Variants in ANGEL2 observed in about 807,000 individuals in gnomAD.
The protein encoded by ANGEL2 is angel homolog 2.
ANGEL2 carries 41 observed loss-of-function variants against 66.0 expected under a neutral mutation model. The observed-to-expected ratio is 0.62, with a 90% CI of 0.48 to 0.81. The LOEUF is 0.81. ANGEL2 is among the 30% of genes least tolerant of loss of function. The pLI is 0.00. For synonymous variants in ANGEL2, 208 were observed against 226.5 expected (o/e 0.92, Z 0.73); for missense variants, 561 against 641.6 (o/e 0.87, Z 1.36).
intron 5 of ANGEL2, 162 bp from the exon 6 acceptor site, chr1:213,001,074 T>C: frequency 1.6e-6 from 1 of 635,050 alleles, no homozygotes; most frequent in Non-Finnish European, 2.5e-6. Context: ...TTCTTTTCTT[T>C]AAATACAATT....
chr1:213,015,517 C>A, intron 1 of ANGEL2, 96 bp downstream of exon 1: 1 of 1,346,704 alleles, frequency 7.4e-7, no homozygotes, highest in Non-Finnish European at 9.7e-7. Context: ...CACCCCTAGC[C>A]CGCCCCGCCC....
chr1:213,000,871 T>A lies in ANGEL2; in HGVS notation c.1176A>T (p.Leu392Phe). The A allele has an allele frequency of 6.2e-7, 1 of 1,612,880 alleles. No individual in the cohort carries two copies. Among genetic ancestry groups the A allele is most frequent in the Non-Finnish European group, 8.5e-7 (1 of 1,179,838 alleles). ...QEQSSRGQRI[L>F]SIPIWPPNLG... Reference sequence around the variant, plus strand: ...GGTTTGGGGGCCAAATTGGAATAGATAAAATTCTTTGTCCCCGTGAAGACT... The same window carrying A: ...GGTTTGGGGGCCAAATTGGAATAGAAAAAATTCTTTGTCCCCGTGAAGACT... Residue 392 changes from leucine to phenylalanine, a missense_variant, in exon 6 of 9, where the codon TTA becomes TTT. Physicochemically the swap from Leu to Phe is conservative, Grantham distance 22. Transcript: ENST00000366962.
chr1:213,009,304 C>T (rs2076433189), intron 2 of ANGEL2, among the ~76,000 whole-genome samples: 2 of 152,194 alleles, frequency 1.3e-5, no homozygotes, highest in South Asian at 4.1e-4. Context: ...TTGATCTTGT[C>T]TCCTACATCC....
In ANGEL2 at chr1:213,005,125, T is replaced by C; in HGVS notation, c.1042A>G (p.Met348Val). ...GGAACAGAATTAAAGTCACCACACATAACAATAGGGCAGAAGCTGCCATCT... is the reference window on the plus strand; with the variant it reads ...GGAACAGAATTAAAGTCACCACACACAACAATAGGGCAGAAGCTGCCATCT... ...QKDGSFCPIV[M>V]CGDFNSVPGS... The change falls in exon 5 of 9, where the codon ATG becomes GTG. Residue 348 changes from methionine (M) to valine (V), a missense_variant. By Grantham distance (21) the Met-to-Val change is conservative. Transcript: ENST00000366962. The C allele has an allele frequency of 1.2e-6, 2 of 1,614,102 alleles. No individual in the cohort carries two copies. Among genetic ancestry groups the C allele is most frequent in the South Asian group, 1.1e-5 (1 of 91,078 alleles).
intron 8 of ANGEL2, 129 bp downstream of exon 8, chr1:212,997,026 A>G: frequency 2.6e-6 from 2 of 770,404 alleles, no homozygotes; most frequent in Non-Finnish European, 4.1e-6. Flanking sequence ...CAATCTGTCT[A>G]TTTCGAAATA....
intron 5 of ANGEL2, among the ~76,000 whole-genome samples, chr1:213,004,097 C>T (rs964357212): frequency 6.6e-6 from 1 of 151,596 alleles, no homozygotes; most frequent in Non-Finnish European, 1.5e-5. Context: ...CCCAGCTACT[C>T]GGGAGGCTGA....
rs2076407264 is a variant in ANGEL2, at chr1:213,008,460, A to G, written c.392T>C (p.Ile131Thr). The G allele has an allele frequency of 6.2e-7, 1 of 1,612,442 alleles. No homozygotes were observed. Among genetic ancestry groups the G allele is most frequent in the East Asian group, 2.2e-5 (1 of 44,852 alleles). ...ACATATATATTCCCAATTCCGCTTT[A>G]TCACACCTGTTAAAATATATTGCAC... ...SSKRRKHQGVIKRNWEYICSH... is the reference protein window; with the variant it reads ...SSKRRKHQGVTKRNWEYICSH... The change falls in exon 3 of 9, where the codon ATA becomes ACA. Residue 131 changes from isoleucine to threonine, a missense_variant. By Grantham distance (89) the Ile-to-Thr change is moderately conservative. Transcript: ENST00000366962.
Position 212,995,211 on chromosome 1 carries a change from C to T in ANGEL2, c.1484-19G>A, listed in dbSNP as rs566221250. On this transcript the variant is annotated intron_variant, in intron 8 of 8. Coordinates refer to ENST00000366962, the MANE Select transcript of ANGEL2 (RefSeq NM_144567.5). ...TCAGCTCCTACATTAAAGAAGCACA[C>T]ACATATTTAGTAAAATTGTCAACGG... The T allele has an allele frequency of 1.3e-6, 2 of 1,577,698 alleles. No homozygotes were observed. The highest frequency in any genetic ancestry group is 2.4e-5 in the South Asian group (2 of 84,976).
chr1:213,015,446 G>T, intron 1 of ANGEL2, 167 bp downstream of exon 1: 1 of 1,431,322 alleles, frequency 7.0e-7, no homozygotes, highest in South Asian at 1.5e-5. Flanking sequence ...TACCTATCCC[G>T]CTTGGTCTCT....
chr1:213,007,199 C>A lies in ANGEL2; in HGVS notation c.643-1G>T. ...CTTGAACTTCTTGCAAACAAAGTAC[C>A]TTGGAAGAAAAAAATAGCTTGAATT... On this transcript the variant is annotated splice_acceptor_variant, in intron 3 of 8. Coordinates refer to ENST00000366962, the MANE Select transcript of ANGEL2 (RefSeq NM_144567.5). LOFTEE classifies it high-confidence loss of function. 6.4e-7 allele frequency: 1 copy of A among 1,553,438 alleles called. No homozygotes were observed. Among genetic ancestry groups the A allele is most frequent in the Non-Finnish European group, 8.6e-7 (1 of 1,156,658 alleles).
intron 2 of ANGEL2, among the ~76,000 whole-genome samples, chr1:213,012,249 A>C (rs1396290216): frequency 1.3e-5 from 2 of 151,668 alleles, no homozygotes; most frequent in East Asian, 3.9e-4. Context: ...ACAAACTTAC[A>C]TGTCAGCTCC....
rs757118451 is a variant in ANGEL2, at chr1:212,994,888, T to C, written c.*153A>G. The C allele has an allele frequency of 5.8e-5, 33 of 573,232 alleles. No individual in the cohort carries two copies. Among genetic ancestry groups the C allele is most frequent in the Non-Finnish European group, 7.9e-5 (30 of 381,272 alleles). 35.5% of individuals were successfully genotyped at this position (573,232 alleles called of 1,614,324 possible). ...TTATTAAAAAAAATTGTTATAAAGT[T>C]ATTTCTTCTGATATGGAGTTTCAAA... is the stretch of plus-strand genomic sequence containing the variant. On this transcript the variant is annotated 3_prime_UTR_variant, in exon 9 of 9. Transcript: ENST00000366962.
At chr1:213,006,243 C>T (rs373340409) in intron 4 of ANGEL2, among the ~76,000 whole-genome samples, 241 of 152,110 alleles carry the variant, frequency 1.6e-3, no homozygotes, top group African/African-American at 5.3e-3. Context: ...AGGCGGATCA[C>T]GAGGTCAGGA....
chr1:213,015,533 C>CCCG, intron 1 of ANGEL2, 80 bp downstream of exon 1: 3 of 1,533,120 alleles, frequency 2.0e-6, no homozygotes, highest in African/African-American at 1.4e-5. Flanking sequence ...CGCCCCGCCC[C>CCCG]GGGTTAGTCC....
intron 8 of ANGEL2, among the ~76,000 whole-genome samples, chr1:212,996,945 T>A (rs751511837): frequency 8.7e-4 from 133 of 152,116 alleles, no homozygotes; most frequent in Non-Finnish European, 1.7e-3. Context: ...TCTTGGGTAA[T>A]AATTTGCTTG....
chr1:213,015,004 G>A (rs897490860), intron 1 of ANGEL2: 1 of 476,106 alleles, frequency 2.1e-6, no homozygotes, highest in Non-Finnish European at 2.7e-6. Flanking sequence ...TGAAGCTAAT[G>A]TGGGCAGCAC....
Position 213,015,790 on chromosome 1 carries a change from C to T in ANGEL2, c.-119G>A. On this transcript the variant is annotated 5_prime_UTR_variant, in exon 1 of 9. Transcript: ENST00000366962. Reference sequence around the variant, plus strand: ...TCACTCTTAAGTACCGACTCCAGTCCTGGCTGCAAGGCATGCTGGGAGGTG... The same window carrying T: ...TCACTCTTAAGTACCGACTCCAGTCTTGGCTGCAAGGCATGCTGGGAGGTG... The T allele has an allele frequency of 7.2e-7, 1 of 1,390,564 alleles. No individual in the cohort carries two copies. Among genetic ancestry groups the T allele is most frequent in the Non-Finnish European group, 1.0e-6 (1 of 1,000,042 alleles). The allele number at this position is 1,390,564 out of a possible 1,614,324, so 86.1% of individuals were successfully genotyped here. A position where few individuals can be genotyped will look rare whatever the true frequency, so the allele number is the denominator to read the frequency against.
Position 213,005,087 on chromosome 1 carries a change from T to C in ANGEL2, c.1080A>G (p.Leu360=), listed in dbSNP as rs371318328. The C allele has an allele frequency of 9.3e-6, 15 of 1,609,340 alleles. No individual in the cohort carries two copies. The highest frequency in any genetic ancestry group is 6.7e-5 in the African/African-American group (5 of 74,616). Residue 360 remains leucine, a synonymous_variant, in exon 5 of 9, where the codon CTA becomes CTG. Transcript: ENST00000366962. The part of the protein sequence containing the change: ...GDFNSVPGSP[L]YSFIKEGKLN... Reference sequence around the variant, plus strand: ...ATTTTCCTTCCTTTATGAAACTATATAGTGGAGAACCAGGAACAGAATTAA... The same window carrying C: ...ATTTTCCTTCCTTTATGAAACTATACAGTGGAGAACCAGGAACAGAATTAA...
intron 5 of ANGEL2, 50 bp downstream of exon 5, chr1:213,004,983 G>A: frequency 7.2e-7 from 1 of 1,396,682 alleles, no homozygotes; most frequent in African/African-American, 1.5e-5. Flanking sequence ...ACATTATCAT[G>A]AGCAGAGCAA....
Sources: gnomAD v4.1 joint callset for allele counts (sites outside exome capture counted in the v4.1 genomes callset) on GRCh38, gnomAD v4.1.1 for gene constraint, MANE v1.5 for transcripts, NCBI Gene and HGNC (gene_info 2026-07-23, HGNC 2026-07-21) for gene names.